The following RNF150 variants were observed in gnomAD, a reference collection of about 807,000 sequenced individuals.
The protein encoded by RNF150 is ring finger protein 150.
Under a neutral mutation model 39.3 loss-of-function variants are expected in RNF150, and 24 were observed. That is an observed-to-expected ratio of 0.61 (90% CI 0.44 to 0.86). The LOEUF (loss-of-function observed/expected upper bound fraction) is 0.86, where lower values mean the gene tolerates loss of function less well. Ranked by LOEUF, RNF150 falls within the 40% of genes least tolerant of loss-of-function variation. RNF150 has a pLI of 0.00. For missense variants in RNF150, 502 were observed against 587.8 expected (o/e 0.85, Z 1.51); for synonymous variants, 255 against 227.3 (o/e 1.12, Z -1.10).
rs150858360 is a variant in RNF150 at position 141,105,212 on chromosome 4, T to G, written c.484+27113A>C. Among the ~76,000 whole-genome samples, 26 of 152,334 alleles carry G rather than the reference T, an allele frequency of 1.7e-4. No homozygotes were observed. In the East Asian group the frequency reaches 4.6e-3, roughly 27 times the overall value. On this transcript the variant is annotated intron_variant, in intron 1 of 6. Coordinates refer to ENST00000515673, the MANE Select transcript of RNF150 (RefSeq NM_020724.2). ...GAATAACCCTCTGGTGATGATTTTT[T>G]GAATTAAAGGCTTTTTCCAAATTGG...
chr4:141,103,653 T>C (rs376679338), intron 1 of RNF150, among the ~76,000 whole-genome samples: 10 of 152,346 alleles, frequency 6.6e-5, no homozygotes, highest in African/African-American at 2.4e-4. Flanking sequence ...GCTACCCATA[T>C]CACATGCAAT....
intron 6 of RNF150, among the ~76,000 whole-genome samples, chr4:140,872,239 C>T (rs1436215737): frequency 6.6e-6 from 1 of 152,194 alleles, no homozygotes; most frequent in East Asian, 1.9e-4. Flanking sequence ...CTATTAACAA[C>T]ATAAATGTCG....
At chr4:140,999,979 AGAAGAAAAGAAG>A (rs1734549748) in intron 1 of RNF150, among the ~76,000 whole-genome samples, 2 of 28,666 alleles carry the variant, frequency 7.0e-5, no homozygotes, top group Non-Finnish European at 2.1e-4. Flanking sequence ...GAAGAAGAAA[AGAAGAAAAGAAG>A]AAAAGAAGAA....
intron 1 of RNF150, among the ~76,000 whole-genome samples, chr4:141,064,293 C>G (rs1285683684): frequency 1.3e-5 from 2 of 152,162 alleles, no homozygotes; most frequent in Non-Finnish European, 2.9e-5. Flanking sequence ...AGAAAACGTA[C>G]ACTACTCTGC....
At chr4:141,037,997 C>T (rs1250069605) in intron 1 of RNF150, among the ~76,000 whole-genome samples, 3 of 152,124 alleles carry the variant, frequency 2.0e-5, no homozygotes, top group African/African-American at 7.2e-5. Context: ...AAGTTAGTCA[C>T]AGGTTATAGA....
At chr4:140,910,705 GTGT>G (rs756408375) in intron 6 of RNF150, among the ~76,000 whole-genome samples, 3 of 149,224 alleles carry the variant, frequency 2.0e-5, no homozygotes, top group Non-Finnish European at 3.0e-5. Context: ...CGGGGCTCCA[GTGT>G]GTGTGTGTGT....
At chr4:141,037,719 G>A (rs1286622428) in intron 1 of RNF150, among the ~76,000 whole-genome samples, 1 of 152,176 alleles carries the variant, frequency 6.6e-6, no homozygotes, top group Non-Finnish European at 1.5e-5. Context: ...CCAGCTGTAA[G>A]AGTAGATTTC....
chr4:141,152,043 A>G (rs1260147776), intron 1 of RNF150, among the ~76,000 whole-genome samples: 1 of 152,222 alleles, frequency 6.6e-6, no homozygotes, highest in East Asian at 1.9e-4. Context: ...AACAGCGATA[A>G]AATTGTCATT....
At chr4:141,105,664 AT>A (rs1739172179) in intron 1 of RNF150, among the ~76,000 whole-genome samples, 1 of 151,766 alleles carries the variant, frequency 6.6e-6, no homozygotes, top group Admixed American at 6.6e-5. Context: ...CTGAATCCAC[AT>A]TTTCCTTCCA....
At chr4:141,078,132 T>G (rs3851433) in intron 1 of RNF150, among the ~76,000 whole-genome samples, 2 of 152,048 alleles carry the variant, frequency 1.3e-5, no homozygotes, top group Non-Finnish European at 2.9e-5. Flanking sequence ...AATGATGGCA[T>G]AAATTAATTC....
chr4:140,972,116 T>C (rs1465348322), intron 1 of RNF150, among the ~76,000 whole-genome samples: 6 of 152,134 alleles, frequency 3.9e-5, no homozygotes, highest in Non-Finnish European at 7.4e-5. Context: ...AGTCCTCAGG[T>C]GACCAAAAAA....
At chr4:140,911,650 C>T (rs533948279) in intron 5 of RNF150, among the ~76,000 whole-genome samples, 21 of 152,140 alleles carry the variant, frequency 1.4e-4, no homozygotes, top group Non-Finnish European at 2.5e-4. Flanking sequence ...TAAATAATCA[C>T]TTAGGGGGAA....
chr4:141,073,193 G>T (rs1475416751), intron 1 of RNF150, among the ~76,000 whole-genome samples: 1 of 152,092 alleles, frequency 6.6e-6, no homozygotes, highest in African/African-American at 2.4e-5. Context: ...GGATGAAGGG[G>T]AAAGGACTCT....
At chr4:140,928,534 G>A (rs1180785763) in intron 4 of RNF150, among the ~76,000 whole-genome samples, 3 of 152,064 alleles carry the variant, frequency 2.0e-5, no homozygotes, top group Non-Finnish European at 4.4e-5. Context: ...CAGGATCTAC[G>A]CTCTGTATCT....
chr4:141,117,838 A>T (rs1368017437), intron 1 of RNF150, among the ~76,000 whole-genome samples: 2 of 152,194 alleles, frequency 1.3e-5, no homozygotes, highest in Non-Finnish European at 2.9e-5. Flanking sequence ...TCCATCCAAC[A>T]AAGATTTGCT....
At chr4:140,942,938 C>T (rs977814404) in intron 4 of RNF150, among the ~76,000 whole-genome samples, 4 of 152,152 alleles carry the variant, frequency 2.6e-5, no homozygotes, top group African/African-American at 9.7e-5. Context: ...CATAATCAAA[C>T]TAAGCATTTA....
intron 1 of RNF150, among the ~76,000 whole-genome samples, chr4:141,149,323 G>C (rs1198861498): frequency 6.6e-6 from 1 of 151,834 alleles, no homozygotes; most frequent in Non-Finnish European, 1.5e-5. Flanking sequence ...CTGAGATTTT[G>C]GTGCACCCAG....
Position 141,020,999 on chromosome 4 carries a change from C to A in RNF150, c.485-53126G>T, listed in dbSNP as rs1008222403. ...GAGGAAAGGAGACCTCAGAATAGAA[C>A]TGGGCTCAATTCCAAACACACATGG... On this transcript the variant is annotated intron_variant, in intron 1 of 6. Transcript: ENST00000515673. 3.9e-5 allele frequency among the ~76,000 whole-genome samples: 6 copies of A among 152,250 alleles called. No homozygotes were observed. In the East Asian group the frequency reaches 1.2e-3, roughly 29 times the overall value.
chr4:141,031,133 A>C (rs1386651481), intron 1 of RNF150, among the ~76,000 whole-genome samples: 1 of 152,072 alleles, frequency 6.6e-6, no homozygotes, highest in Non-Finnish European at 1.5e-5. Flanking sequence ...ATCTTTGCCA[A>C]AGATGCCAAG....
Sources: allele counts gnomAD v4.1 joint callset (sites outside exome capture counted in the v4.1 genomes callset), GRCh38; gene constraint gnomAD v4.1.1; transcripts MANE v1.5; gene names NCBI Gene and HGNC (gene_info 2026-07-23, HGNC 2026-07-21).